Variants in SOX6 observed in about 807,000 individuals in gnomAD.
SOX6 encodes the protein transcription factor SOX-6.
A neutral mutation model predicts 97.8 loss-of-function variants in SOX6; 11 were observed. That is an observed-to-expected ratio of 0.11 (90% CI 0.07 to 0.19). SOX6 has a LOEUF of 0.19. Among genes scored for constraint, SOX6 ranks in the 10% least tolerant of loss-of-function variants. The pLI is 1.00. For synonymous variants in SOX6, 360 were observed against 371.4 expected (o/e 0.97, Z 0.35); for missense variants, 810 against 1,039.5 (o/e 0.78, Z 3.04).
At chr11:16,435,144 A>C (rs1171924678) in intron 1 of SOX6, among the ~76,000 whole-genome samples, 1 of 152,178 alleles carries the variant, frequency 6.6e-6, no homozygotes, top group Admixed American at 6.6e-5. Context: ...TATTGATTAA[A>C]AATAAAGGCA....
At chr11:16,492,851 C>A (rs1250572721) in intron 4 of SOX6, among the ~76,000 whole-genome samples, 1 of 151,988 alleles carries the variant, frequency 6.6e-6, no homozygotes, top group African/African-American at 2.4e-5. Flanking sequence ...TCTATATGGC[C>A]AATAAACATC....
At chr11:16,086,965 A>G (rs900249555) in intron 9 of SOX6, among the ~76,000 whole-genome samples, 1 of 152,206 alleles carries the variant, frequency 6.6e-6, no homozygotes, top group Non-Finnish European at 1.5e-5. Context: ...AAATTATACA[A>G]GAAAGCTTCT....
chr11:16,643,618 C>A (rs1279445489), intron 3 of SOX6, among the ~76,000 whole-genome samples: 2 of 152,228 alleles, frequency 1.3e-5, no homozygotes, highest in Non-Finnish European at 2.9e-5. Context: ...CAATGGCAGG[C>A]ACCCCTCCCC....
chr11:16,308,612 A>T (rs1433981787), intron 3 of SOX6, among the ~76,000 whole-genome samples: 1 of 152,188 alleles, frequency 6.6e-6, no homozygotes, highest in Non-Finnish European at 1.5e-5. Context: ...ATGGTTGGCT[A>T]GAACAGTGGC....
intron 3 of SOX6, among the ~76,000 whole-genome samples, chr11:16,250,781 G>A (rs1306084277): frequency 6.6e-6 from 1 of 151,894 alleles, no homozygotes; most frequent in Non-Finnish European, 1.5e-5. Flanking sequence ...AAAATCAACA[G>A]AGATATAGAA....
In SOX6 at chr11:16,495,821, T is replaced by C. The variant is rs578002292; in HGVS notation, n.610-19433A>G. ...ACACCAGTGCCAATGTATGACACTCTAGGGCCCAAGAACAGGCATGCTTAG... is the reference window on the plus strand; with the variant it reads ...ACACCAGTGCCAATGTATGACACTCCAGGGCCCAAGAACAGGCATGCTTAG... On this transcript the variant is annotated intron_variant and non_coding_transcript_variant, in intron 4 of 5. Transcript: ENST00000524520. 4.6e-5 allele frequency among the ~76,000 whole-genome samples: 7 copies of C among 152,098 alleles called. No homozygotes were observed. The South Asian group carries it at 1.5e-3, about 32-fold the overall frequency.
chr11:16,449,277 C>CTTTTT (rs10611823), intron 1 of SOX6, among the ~76,000 whole-genome samples: 978 of 62,998 alleles, frequency 0.016, 135 homozygotes, highest in African/African-American at 0.032. Context: ...AATGCTCCTT[C>CTTTTT]TTTTTTTTTT....
chr11:16,628,472 A>G (rs961650435), intron 3 of SOX6, among the ~76,000 whole-genome samples: 1 of 152,076 alleles, frequency 6.6e-6, no homozygotes, highest in Non-Finnish European at 1.5e-5. Context: ...AAAAATACAA[A>G]AAAATTAGCT....
intron 2 of SOX6, among the ~76,000 whole-genome samples, chr11:16,330,217 C>A (rs935887306): frequency 6.6e-6 from 1 of 152,138 alleles, no homozygotes; most frequent in Admixed American, 6.5e-5. Context: ...TTAAGGCAGG[C>A]CTGATAGTGA....
chr11:16,570,180 C>T (rs927621328), intron 4 of SOX6, among the ~76,000 whole-genome samples: 7 of 152,088 alleles, frequency 4.6e-5, no homozygotes, highest in African/African-American at 1.7e-4. Flanking sequence ...AGTCTTACCA[C>T]ATATTCTAGC....
chr11:16,157,557 A>G (rs1429954105), intron 6 of SOX6, among the ~76,000 whole-genome samples: 1 of 151,988 alleles, frequency 6.6e-6, no homozygotes, highest in East Asian at 1.9e-4. Context: ...AAGATCACAT[A>G]CCAAATAGAT....
chr11:16,492,904 A>C (rs1208389170), intron 4 of SOX6, among the ~76,000 whole-genome samples: 1 of 152,226 alleles, frequency 6.6e-6, no homozygotes, highest in Non-Finnish European at 1.5e-5. Context: ...ACTGAAAATA[A>C]AAATTATGAG....
chr11:16,686,561 A>G (rs1253720954), intron 3 of SOX6, among the ~76,000 whole-genome samples: 5 of 152,204 alleles, frequency 3.3e-5, no homozygotes. Context: ...CCTCATTTCA[A>G]TCTGAGACCT....
At position 16,011,706 on chromosome 11, in the gene SOX6, C is replaced by T. The variant is rs1055872706; in HGVS notation, c.1732+3236G>A. Among the ~76,000 whole-genome samples, 10 of 152,128 alleles carry T rather than the reference C, an allele frequency of 6.6e-5. No homozygotes were observed. In the South Asian group the frequency reaches 1.2e-3, roughly 19 times the overall value. On this transcript the variant is annotated intron_variant, in intron 13 of 15. Transcript: ENST00000683767. ...AGCAGGGCCTCATTTTCTGGGCTGG[C>T]TTACTTTAGTCACTTCAGAAGCCCC... is the stretch of plus-strand genomic sequence containing the variant.
At chr11:16,340,756 C>A (rs1386568671) in intron 2 of SOX6, among the ~76,000 whole-genome samples, 1 of 151,932 alleles carries the variant, frequency 6.6e-6, no homozygotes, top group Non-Finnish European at 1.5e-5. Context: ...ATAAGATAAC[C>A]AATCCCCCCA....
chr11:16,627,974 T>C (rs1166277666), intron 3 of SOX6, among the ~76,000 whole-genome samples: 1 of 152,186 alleles, frequency 6.6e-6, no homozygotes, highest in African/African-American at 2.4e-5. Flanking sequence ...AATTTTTATA[T>C]ATGGTGAAAG....
At chr11:16,258,641 G>A (rs894477887) in intron 3 of SOX6, among the ~76,000 whole-genome samples, 2 of 151,872 alleles carry the variant, frequency 1.3e-5, no homozygotes, top group Non-Finnish European at 2.9e-5. Context: ...ATGGTGGATA[G>A]ATGTCATTAT....
At chr11:16,372,482 C>T (rs1248861720) in intron 1 of SOX6, among the ~76,000 whole-genome samples, 1 of 152,022 alleles carries the variant, frequency 6.6e-6, no homozygotes, top group Non-Finnish European at 1.5e-5. Flanking sequence ...TGTTAGAAGT[C>T]ACCAGGGAGA....
chr11:16,623,965 C>T (rs1029093594), intron 3 of SOX6, among the ~76,000 whole-genome samples: 6 of 152,130 alleles, frequency 3.9e-5, no homozygotes, highest in Admixed American at 1.3e-4. Context: ...AAAAAGATAT[C>T]TCCTGCCCCT....
Sources: gnomAD v4.1 joint callset for allele counts (sites outside exome capture counted in the v4.1 genomes callset) on GRCh38, gnomAD v4.1.1 for gene constraint, MANE v1.5 for transcripts, NCBI Gene and HGNC (gene_info 2026-07-23, HGNC 2026-07-21) for gene names.